LCOR: variants seen among roughly 807,000 people sequenced by gnomAD.
LCOR encodes the protein ligand dependent nuclear receptor corepressor.
A neutral mutation model predicts 64.4 loss-of-function variants in LCOR; 14 were observed. That is an observed-to-expected ratio of 0.22 (90% confidence interval 0.14 to 0.34). The LOEUF is 0.34. Among genes scored for constraint, LCOR ranks in the 10% least tolerant of loss-of-function variants. The pLI is 1.00. For synonymous variants in LCOR, 643 were observed against 642.5 expected (o/e 1.00, Z -0.01); for missense variants, 1,686 against 1,765.3 (o/e 0.96, Z 0.80).
In LCOR at chr10:96,970,456, C is replaced by T. The variant is rs377022546; in HGVS notation, c.333-10337C>T. On this transcript the variant is annotated intron_variant, in intron 7 of 7. Coordinates refer to ENST00000421806, the MANE Select transcript of LCOR (RefSeq NM_001346516.2). The stretch of plus-strand genomic sequence containing the variant: ...ACTTGAGGTATTTTTGCCAAGAAGA[C>T]CTGGCAGTGTAATTTTGACTAGATA... Among the ~76,000 whole-genome samples the T allele has an allele frequency of 6.6e-5, 10 of 151,698 alleles. No individual in the cohort carries two copies. The East Asian group carries it at 1.4e-3, about 21-fold the overall frequency.
intron 4 of LCOR, among the ~76,000 whole-genome samples, chr10:96,936,451 C>G (rs1847352338): frequency 6.6e-6 from 1 of 152,106 alleles, no homozygotes; most frequent in South Asian, 2.1e-4. Flanking sequence ...AAACCAAAAA[C>G]TGGTTTTTTT....
At chr10:96,917,943 G>A (rs767267000) in intron 4 of LCOR, among the ~76,000 whole-genome samples, 4 of 152,140 alleles carry the variant, frequency 2.6e-5, no homozygotes, top group Non-Finnish European at 5.9e-5. Flanking sequence ...AGGAGAGAAT[G>A]GAGATAGCTC....
chr10:96,926,456 C>CA (rs1847169052), intron 4 of LCOR, among the ~76,000 whole-genome samples: 1 of 152,028 alleles, frequency 6.6e-6, no homozygotes, highest in South Asian at 2.1e-4. Flanking sequence ...AAATAACAAG[C>CA]AAAAATCATT....
At chr10:96,943,147 TGGA>T (rs1847525959) in intron 4 of LCOR, among the ~76,000 whole-genome samples, 1 of 152,166 alleles carries the variant, frequency 6.6e-6, no homozygotes, top group Non-Finnish European at 1.5e-5. Context: ...TCACCCAAGC[TGGA>T]GTGCAGTGGC....
At position 96,984,329 on chromosome 10, in the gene LCOR, A is replaced by G; in HGVS notation, c.3869A>G (p.Lys1290Arg). 4.3e-6 allele frequency: 7 copies of G among 1,614,136 alleles called. No individual in the cohort carries two copies. Among genetic ancestry groups the G allele is most frequent in the Non-Finnish European group, 5.9e-6 (7 of 1,180,044 alleles). The change falls in exon 8 of 8, where the codon AAG becomes AGG. Residue 1290 changes from lysine to arginine, a missense_variant. Transcript: ENST00000421806. ...TCTGAAGACAGCATAGAGGAAGTCA[A>G]GGAAGATAGAAACAGTCATCCTCCA... ...PNSEDSIEEV[K>R]EDRNSHPPAN...
At chr10:96,902,680 G>C (rs941002271) in intron 2 of LCOR, among the ~76,000 whole-genome samples, 1 of 152,174 alleles carries the variant, frequency 6.6e-6, no homozygotes, top group Non-Finnish European at 1.5e-5. Context: ...TGAAGGCTCA[G>C]TGTGGTGGTG....
At chr10:96,872,019 A>G (rs1476362826) in intron 2 of LCOR, among the ~76,000 whole-genome samples, 2 of 152,214 alleles carry the variant, frequency 1.3e-5, no homozygotes. Context: ...AGATTGACAT[A>G]GTCCATGCCA....
intron 4 of LCOR, among the ~76,000 whole-genome samples, chr10:96,919,256 T>C (rs1028103150): frequency 1.3e-5 from 2 of 152,208 alleles, no homozygotes; most frequent in African/African-American, 4.8e-5. Flanking sequence ...AGAGCCTCAG[T>C]GTTTCATTTG....
At chr10:96,927,908 A>T (rs538403180) in intron 4 of LCOR, among the ~76,000 whole-genome samples, 58 of 152,366 alleles carry the variant, frequency 3.8e-4, no homozygotes, top group African/African-American at 1.4e-3. Context: ...TATAAAAGTT[A>T]TGTTTATATT....
chr10:96,835,293 AT>A (rs1845423671), intron 2 of LCOR, among the ~76,000 whole-genome samples: 1 of 152,194 alleles, frequency 6.6e-6, no homozygotes, highest in African/African-American at 2.4e-5. Context: ...TTGAAGGCAA[AT>A]TTTAATCTGG....
At chr10:96,908,755 A>G (rs1312508906) in intron 4 of LCOR, among the ~76,000 whole-genome samples, 7 of 150,154 alleles carry the variant, frequency 4.7e-5, no homozygotes, top group Admixed American at 4.0e-4. Flanking sequence ...TCACTCTGTC[A>G]TCCAGGCTGG....
intron 2 of LCOR, among the ~76,000 whole-genome samples, chr10:96,882,992 T>G (rs1846287377): frequency 6.6e-6 from 1 of 152,220 alleles, no homozygotes; most frequent in Non-Finnish European, 1.5e-5. Flanking sequence ...CTTCAAGTTT[T>G]GACAGTTATA....
chr10:96,965,782 C>T (rs1023746058), intron 7 of LCOR, among the ~76,000 whole-genome samples: 7 of 151,944 alleles, frequency 4.6e-5, no homozygotes, highest in Non-Finnish European at 1.0e-4. Context: ...TATTTGTTCC[C>T]CTTAATTATG....
intron 2 of LCOR, among the ~76,000 whole-genome samples, chr10:96,873,322 T>C (rs2134408503): frequency 6.6e-6 from 1 of 152,282 alleles, no homozygotes; most frequent in Admixed American, 6.5e-5. Context: ...TTGGGATCTT[T>C]TTAACTTTCC....
intron 7 of LCOR, among the ~76,000 whole-genome samples, chr10:96,953,281 G>T (rs1847713252): frequency 1.3e-5 from 2 of 151,996 alleles, no homozygotes; most frequent in Non-Finnish European, 2.9e-5. Flanking sequence ...GCCGGGCGTG[G>T]TGGCTCAGGC....
At chr10:96,895,967 A>G (rs977787059) in intron 2 of LCOR, among the ~76,000 whole-genome samples, 1 of 152,174 alleles carries the variant, frequency 6.6e-6, no homozygotes, top group Non-Finnish European at 1.5e-5. Context: ...CTGTAGTCCA[A>G]GCTGCTCAGG....
intron 2 of LCOR, among the ~76,000 whole-genome samples, chr10:96,867,324 C>T (rs1020140418): frequency 3.9e-5 from 6 of 152,134 alleles, no homozygotes; most frequent in South Asian, 2.1e-4. Context: ...TGGCCAGGTG[C>T]GTTGGGCTTC....
intron 4 of LCOR, among the ~76,000 whole-genome samples, chr10:96,925,190 C>G (rs1847147123): frequency 6.6e-6 from 1 of 152,122 alleles, no homozygotes; most frequent in Non-Finnish European, 1.5e-5. Flanking sequence ...GTTCTCCTGC[C>G]TCAGCCTCCT....
intron 2 of LCOR, among the ~76,000 whole-genome samples, chr10:96,850,855 A>C (rs1468080471): frequency 6.6e-6 from 1 of 152,240 alleles, no homozygotes; most frequent in East Asian, 1.9e-4. Flanking sequence ...CTGATGCCAG[A>C]ACAAGCCTGT....
Sources: allele counts gnomAD v4.1 joint callset (sites outside exome capture counted in the v4.1 genomes callset), GRCh38; gene constraint gnomAD v4.1.1; transcripts MANE v1.5; gene names NCBI Gene and HGNC (gene_info 2026-07-23, HGNC 2026-07-21).